The following PSG1 variants were observed in gnomAD, a reference collection of about 807,000 sequenced individuals.
PSG1 encodes the protein pregnancy specific beta-1-glycoprotein 1, also known as pregnancy-specific beta-1-glycoprotein 1.
In PSG1, 60 loss-of-function variants were observed where a neutral mutation model predicts 41.4. The ratio of observed to expected loss-of-function variants is 1.45; its 90% CI spans 1.18 to 1.80. The LOEUF (loss-of-function observed/expected upper bound fraction) is 1.80. PSG1 is among the 40% of genes most tolerant of loss of function. The pLI, the probability that PSG1 is intolerant of heterozygous loss-of-function variation, is 0.00. For missense variants in PSG1, 806 were observed against 516.9 expected (o/e 1.56, Z -5.42); for synonymous variants, 256 against 192.9 (o/e 1.33, Z -2.71).
intron 5 of PSG1, 36 bp from the exon 6 acceptor site, chr19:42,867,186 C>T (rs1255780256): frequency 1.3e-6 from 1 of 765,526 alleles, no homozygotes; most frequent in South Asian, 1.3e-5. Context: ...AAACAATGAA[C>T]AGAGCTGCAG....
intron 3 of PSG1, chr19:42,869,299 G>C: frequency 1.4e-6 from 1 of 735,186 alleles, no homozygotes; most frequent in Non-Finnish European, 2.1e-6. Context: ...ACGTCAGTGG[G>C]AGTCACAGCC....
In PSG1 at chr19:42,875,952, G is replaced by A. The variant is rs936418787; in HGVS notation, c.430+1961C>T. On this transcript the variant is annotated intron_variant, in intron 2 of 5. Transcript: ENST00000436291. ...CAGCCTCACAAAGGGAAAGAGCCCT[G>A]GATGGGAATACAGTGGAAGGTCATT... Among the ~76,000 whole-genome samples, 12 of 150,660 alleles carry A rather than the reference G, an allele frequency of 8.0e-5. No individual in the cohort carries two copies. In the South Asian group the frequency reaches 2.1e-3, roughly 27 times the overall value.
intron 5 of PSG1, 47 bp downstream of exon 5, chr19:42,868,054 A>T: frequency 1.2e-6 from 2 of 1,612,136 alleles, no homozygotes; most frequent in Non-Finnish European, 1.7e-6. Context: ...AATGCCAGAT[A>T]GACTCCACCT....
rs1433334444 is a variant in PSG1 at position 42,866,935 on chromosome 19, G to T, written c.*199C>A. ...TGTGAAGTCATCCACTTGTTGTCCT[G>T]GTTTACAGTTTGAGCATCTGTTGTT... On this transcript the variant is annotated 3_prime_UTR_variant, in exon 6 of 6. Transcript: ENST00000436291. 1 of 724,486 alleles carries T rather than the reference G, an allele frequency of 1.4e-6. No homozygotes were observed. Among genetic ancestry groups the T allele is most frequent in the Admixed American group, 1.9e-5 (1 of 53,138 alleles). 44.9% of individuals were successfully genotyped at this position (724,486 alleles called of 1,614,324 possible). A position where few individuals can be genotyped will look rare whatever the true frequency, so the allele number is the denominator to read the frequency against.
In PSG1 at chr19:42,868,908, C is replaced by G; in HGVS notation, c.836G>C (p.Ser279Thr). ...CTTTACCCTGGGACTGACCGGGAGG[C>G]TCTGACCATTTAGCCACCAAATGTA... is the stretch of plus-strand genomic sequence containing the variant. ...YTYIWWLNGQ[S>T]LPVSPRVKRP... Residue 279 changes from serine to threonine, a missense_variant, in exon 4 of 6, where the codon AGC (serine) becomes ACC (threonine). By Grantham distance (58) the Ser-to-Thr change is moderately conservative. Coordinates refer to ENST00000436291, the MANE Select transcript of PSG1 (RefSeq NM_001184825.2). The G allele has an allele frequency of 1.9e-6, 3 of 1,610,570 alleles. No individual in the cohort carries two copies. Among genetic ancestry groups the G allele is most frequent in the Non-Finnish European group, 8.5e-7 (1 of 1,179,052 alleles).
At position 42,873,678 on chromosome 19, in the gene PSG1, C is replaced by A. The variant is rs1425310612; in HGVS notation, c.431-1633G>T. ...GATGCCAAAGGTGATTTGAAATTAG[C>A]AGCTCCTTAAGTAGAGAGAGTCCCA... On this transcript the variant is annotated intron_variant, in intron 2 of 5. Coordinates refer to ENST00000436291, the MANE Select transcript of PSG1 (RefSeq NM_001184825.2). 2.6e-5 allele frequency among the ~76,000 whole-genome samples: 4 copies of A among 151,654 alleles called. 1 individual carries two copies. The highest frequency in any genetic ancestry group is 5.9e-5 in the Non-Finnish European group (4 of 67,912).
intron 2 of PSG1, chr19:42,874,252 T>A (rs1372704008): frequency 6.6e-6 from 1 of 151,842 alleles, no homozygotes; most frequent in Non-Finnish European, 1.5e-5. Context: ...GTTTCAGTTT[T>A]GGAAGTTTCT....
In PSG1 at chr19:42,872,918, A is replaced by G. The variant is rs538612944; in HGVS notation, c.431-873T>C. ...GACGGAAGTCTGGCCCTCATGGACC[A>G]TATGTGTTTGGTGAATATTAGACCA... On this transcript the variant is annotated intron_variant, in intron 2 of 5. Coordinates refer to ENST00000436291, the MANE Select transcript of PSG1 (RefSeq NM_001184825.2). 2.2e-4 allele frequency among the ~76,000 whole-genome samples: 34 copies of G among 151,884 alleles called. 3 individuals are homozygous for G. The South Asian group carries it at 6.1e-3, about 27-fold the overall frequency.
chr19:42,876,469 A>G (rs1252287448), intron 2 of PSG1, among the ~76,000 whole-genome samples: 1 of 151,420 alleles, frequency 6.6e-6, no homozygotes, highest in Non-Finnish European at 1.5e-5. Flanking sequence ...ACCTCCTAGG[A>G]TTCTGCATCC....
Position 42,867,096 on chromosome 19 carries a change from T to C in PSG1, c.*38A>G. ...CAGAGTGGGTCTTGCTCTTAGTGAT[T>C]CCATGGGAGAAAATGGAATTGGAGG... is the stretch of plus-strand genomic sequence containing the variant. On this transcript the variant is annotated 3_prime_UTR_variant, in exon 6 of 6. Transcript: ENST00000436291. The C allele has an allele frequency of 1.3e-6, 1 of 772,922 alleles. No homozygotes were observed. Among genetic ancestry groups the C allele is most frequent in the Non-Finnish European group, 2.4e-6 (1 of 417,576 alleles). 47.9% of individuals were successfully genotyped at this position (772,922 alleles called of 1,614,324 possible). A position where few individuals can be genotyped will look rare whatever the true frequency, so the allele number is the denominator to read the frequency against.
intron 3 of PSG1, among the ~76,000 whole-genome samples, chr19:42,870,979 T>G (rs768575473): frequency 6.6e-6 from 1 of 151,454 alleles, no homozygotes; most frequent in African/African-American, 2.4e-5. Context: ...GGTTTTGGAG[T>G]AGAAACATAT....
chr19:42,877,479 T>G (rs1482972684), intron 2 of PSG1, among the ~76,000 whole-genome samples: 1 of 151,652 alleles, frequency 6.6e-6, no homozygotes, highest in Non-Finnish European at 1.5e-5. Flanking sequence ...CAGCACAGGC[T>G]CCTCAGCTTT....
chr19:42,868,937 G>A lies in PSG1; in HGVS notation c.807C>T (p.Tyr269=), dbSNP rs771104135. ...GACCATTTAGCCACCAAATGTAGGT[G>A]TAGTTCTCACTCTTAGGTTCACAGG... ...NFTCEPKSEN[Y]TYIWWLNGQS... is the part of the protein sequence containing the mutation. The change falls in exon 4 of 6, where the codon TAC becomes TAT. Residue 269 remains tyrosine, a synonymous_variant. Transcript: ENST00000436291. The A allele has an allele frequency of 2.3e-5, 37 of 1,610,642 alleles. 2 individuals carry two copies. Among genetic ancestry groups the A allele is most frequent in the Non-Finnish European group, 2.8e-5 (33 of 1,179,074 alleles).
Position 42,866,935 on chromosome 19 carries a change from G to A in PSG1, c.*199C>T. On this transcript the variant is annotated 3_prime_UTR_variant, in exon 6 of 6. Coordinates refer to ENST00000436291, the MANE Select transcript of PSG1 (RefSeq NM_001184825.2). ...TGTGAAGTCATCCACTTGTTGTCCT[G>A]GTTTACAGTTTGAGCATCTGTTGTT... 1 of 724,488 alleles carries A rather than the reference G, an allele frequency of 1.4e-6. No individual in the cohort carries two copies. The highest frequency in any genetic ancestry group is 1.9e-5 in the Admixed American group (1 of 53,138). 44.9% of individuals were successfully genotyped at this position (724,488 alleles called of 1,614,324 possible). A position where few individuals can be genotyped will look rare whatever the true frequency, so the allele number is the denominator to read the frequency against.
intron 2 of PSG1, among the ~76,000 whole-genome samples, chr19:42,874,839 C>G (rs187820232): frequency 1.3e-5 from 2 of 150,896 alleles, no homozygotes; most frequent in Admixed American, 1.3e-4. Flanking sequence ...AGAGTCCACT[C>G]AGAGATGGAG....
At chr19:42,876,395 G>C (rs1225454023) in intron 2 of PSG1, among the ~76,000 whole-genome samples, 1 of 151,484 alleles carries the variant, frequency 6.6e-6, no homozygotes, top group African/African-American at 2.4e-5. Context: ...TTAGGGGCAA[G>C]AGGTAGTGGG....
At chr19:42,870,902 T>G (rs1469673540) in intron 3 of PSG1, among the ~76,000 whole-genome samples, 2 of 151,720 alleles carry the variant, frequency 1.3e-5, no homozygotes, top group African/African-American at 4.8e-5. Context: ...CCTTTCAGAT[T>G]GTTCATTGTT....
At position 42,871,959 on chromosome 19, in the gene PSG1, T is replaced by C; in HGVS notation, c.517A>G (p.Thr173Ala). 6.2e-7 allele frequency: 1 copy of C among 1,612,040 alleles called. No homozygotes were observed. Among genetic ancestry groups the C allele is most frequent in the Non-Finnish European group, 8.5e-7 (1 of 1,179,080 alleles). ...CACCACAGGTAGCTTGCGTCTGGAGTCTCAGGGTCACAGGTTAAGCTCACA... is the reference window on the plus strand; with the variant it reads ...CACCACAGGTAGCTTGCGTCTGGAGCCTCAGGGTCACAGGTTAAGCTCACA... The part of the protein sequence containing the change: ...EAVSLTCDPE[T>A]PDASYLWWMN... The change falls in exon 3 of 6, where the codon ACT (threonine) becomes GCT (alanine). Residue 173 changes from threonine (T) to alanine (A), a missense_variant. Coordinates refer to ENST00000436291, the MANE Select transcript of PSG1 (RefSeq NM_001184825.2).
intron 1 of PSG1, chr19:42,878,546 T>G: frequency 2.0e-6 from 1 of 505,548 alleles, no homozygotes; most frequent in Non-Finnish European, 3.2e-6. Context: ...ATTTTTCTGT[T>G]TGGAATCCTC....
Sources: gnomAD v4.1 joint callset for allele counts (sites outside exome capture counted in the v4.1 genomes callset) on GRCh38, gnomAD v4.1.1 for gene constraint, MANE v1.5 for transcripts, NCBI Gene and HGNC (gene_info 2026-07-23, HGNC 2026-07-21) for gene names.